The following LIPC variants were observed in gnomAD, a reference collection of about 807,000 sequenced individuals.
The protein encoded by LIPC is lipase C, hepatic type.
Under a neutral mutation model 50.7 loss-of-function variants are expected in LIPC, and 44 were observed. The observed-to-expected ratio is 0.87, with a 90% confidence interval of 0.68 to 1.11. LIPC has a LOEUF of 1.11. Among genes scored for constraint, LIPC ranks in the 50% most tolerant of loss-of-function variants. LIPC has a pLI of 0.00. For missense variants in LIPC, 697 were observed against 648.2 expected (o/e 1.08, Z -0.82); for synonymous variants, 271 against 256.4 (o/e 1.06, Z -0.54).
chr15:58,484,313 A>G (rs1173934685), intron 1 of LIPC, among the ~76,000 whole-genome samples: 1 of 152,250 alleles, frequency 6.6e-6, no homozygotes, highest in African/African-American at 2.4e-5. Context: ...CAGCATATAG[A>G]AAAATGCCTT....
In LIPC at chr15:58,568,723, T is replaced by C; in HGVS notation, c.1396T>C (p.Phe466Leu). 1 of 1,591,900 alleles carries C rather than the reference T, an allele frequency of 6.3e-7. No individual in the cohort carries two copies. Among genetic ancestry groups the C allele is most frequent in the East Asian group, 2.2e-5 (1 of 44,638 alleles). ...KAGETQQRMT[F>L]CSENTDDLLL... ...TTCCTGTTTTCTATTCAGAATGACA[T>C]TTTGTTCAGAAAACACAGATGACCT... The change falls in exon 9 of 9, where the codon TTT becomes CTT. Residue 466 changes from phenylalanine to leucine, a missense_variant. Coordinates refer to ENST00000299022, the MANE Select transcript of LIPC (RefSeq NM_000236.3).
At chr15:58,498,218 C>T (rs374305094) in intron 1 of LIPC, among the ~76,000 whole-genome samples, 13 of 152,314 alleles carry the variant, frequency 8.5e-5, no homozygotes, top group African/African-American at 3.1e-4. Flanking sequence ...TCTCCCCTAT[C>T]TCAAATCCAG....
At chr15:58,474,340 GA>G (rs1890909096) in intron 1 of LIPC, among the ~76,000 whole-genome samples, 1 of 152,034 alleles carries the variant, frequency 6.6e-6, no homozygotes, top group Non-Finnish European at 1.5e-5. Context: ...AATATAAAGA[GA>G]CCCCATCTCC....
chr15:58,469,507 A>G (rs1894705515), intron 1 of LIPC, among the ~76,000 whole-genome samples: 1 of 152,156 alleles, frequency 6.6e-6, no homozygotes, highest in South Asian at 2.1e-4. Context: ...ACCCCCTTTC[A>G]ATTAAAGATC....
intron 1 of LIPC, among the ~76,000 whole-genome samples, chr15:58,459,807 G>A (rs947941353): frequency 6.6e-6 from 1 of 152,248 alleles, no homozygotes; most frequent in Non-Finnish European, 1.5e-5. Flanking sequence ...TTGGGGGAAG[G>A]ACAGAGGTAT....
chr15:58,480,336 C>T (rs1294134125), intron 1 of LIPC, among the ~76,000 whole-genome samples: 8 of 152,054 alleles, frequency 5.3e-5, no homozygotes, highest in African/African-American at 1.9e-4. Flanking sequence ...GCTTTGTCAC[C>T]CAAGCTGGAG....
chr15:58,565,079 GC>G, intron 8 of LIPC: 1 of 933,896 alleles, frequency 1.1e-6, no homozygotes, highest in Non-Finnish European at 1.6e-6. Flanking sequence ...GCAGATGTAT[GC>G]CCCTGAGTCC....
At chr15:58,567,060 G>C (rs886717576) in intron 8 of LIPC, among the ~76,000 whole-genome samples, 3 of 151,530 alleles carry the variant, frequency 2.0e-5, no homozygotes, top group Non-Finnish European at 4.4e-5. Flanking sequence ...AAATTAGCCG[G>C]GCGTGGTGGC....
Position 58,541,865 on chromosome 15 carries a change from G to A in LIPC, c.354G>A (p.Gly118=), listed in dbSNP as rs1406667408. ...AGCCGGCCCAGCCAGTGAACGTGGG[G>A]CTGGTGGACTGGATCACCCTGGCCC... ...KSQPAQPVNV[G]LVDWITLAHD... The change falls in exon 3 of 9, where the codon GGG becomes GGA. Residue 118 remains glycine (G), a synonymous_variant. Coordinates refer to ENST00000299022, the MANE Select transcript of LIPC (RefSeq NM_000236.3). The A allele has an allele frequency of 4.3e-6, 7 of 1,612,784 alleles. No individual in the cohort carries two copies. In the African/African-American group the frequency reaches 9.3e-5, roughly 22 times the overall value.
intron 1 of LIPC, chr15:58,498,008 C>A (rs1212789979): frequency 6.6e-6 from 1 of 152,126 alleles, no homozygotes; most frequent in African/African-American, 2.4e-5. Context: ...CTCTTTCCGG[C>A]CAAAATATGA....
At chr15:58,501,741 A>AT (rs34069419) in intron 1 of LIPC, among the ~76,000 whole-genome samples, 17,802 of 151,846 alleles carry the variant, frequency 0.12, 1,155 homozygotes, top group Middle Eastern at 0.19. Context: ...CCCTACCAAG[A>AT]TTTTTTTTAG....
intron 2 of LIPC, 76 bp from the exon 3 acceptor site, chr15:58,541,709 C>T (rs2140912013): frequency 1.4e-6 from 2 of 1,422,636 alleles, no homozygotes; most frequent in Non-Finnish European, 9.8e-7. Flanking sequence ...CCAGCATTAT[C>T]CAGGAGCTGG....
intron 1 of LIPC, among the ~76,000 whole-genome samples, chr15:58,515,556 C>G (rs1388075240): frequency 1.6e-5 from 2 of 124,890 alleles, no homozygotes; most frequent in African/African-American, 6.1e-5. Context: ...ATATATATCT[C>G]AAAATATCAC....
chr15:58,535,979 G>T (rs982138592), intron 1 of LIPC, among the ~76,000 whole-genome samples: 1 of 152,156 alleles, frequency 6.6e-6, no homozygotes, highest in Admixed American at 6.5e-5. Context: ...ACACCTCACC[G>T]CTCACTAACA....
chr15:58,568,196 T>A (rs1460537883), intron 8 of LIPC, among the ~76,000 whole-genome samples: 3 of 152,106 alleles, frequency 2.0e-5, no homozygotes, highest in African/African-American at 7.2e-5. Context: ...CAATGTCAGC[T>A]CCAATATGAG....
chr15:58,477,545 A>G (rs2140762791), intron 1 of LIPC, among the ~76,000 whole-genome samples: 1 of 152,320 alleles, frequency 6.6e-6, no homozygotes, highest in African/African-American at 2.4e-5. Context: ...TTTAAAGGGT[A>G]CAAAACAACA....
intron 1 of LIPC, among the ~76,000 whole-genome samples, chr15:58,511,877 T>C (rs1330371570): frequency 6.6e-6 from 1 of 152,192 alleles, no homozygotes; most frequent in Non-Finnish European, 1.5e-5. Flanking sequence ...CAATTATTGA[T>C]GTCGTGGGGG....
chr15:58,492,561 A>G (rs1174282093), intron 1 of LIPC, among the ~76,000 whole-genome samples: 1 of 152,166 alleles, frequency 6.6e-6, no homozygotes, highest in African/African-American at 2.4e-5. Flanking sequence ...CCAAGGCCAC[A>G]CAGTCCACAA....
chr15:58,511,294 G>T (rs1448977792), intron 1 of LIPC, among the ~76,000 whole-genome samples: 1 of 152,162 alleles, frequency 6.6e-6, no homozygotes, highest in African/African-American at 2.4e-5. Flanking sequence ...CTGTCTCGGG[G>T]ATCTGCCTGG....
Sources: gnomAD v4.1 joint callset for allele counts (sites outside exome capture counted in the v4.1 genomes callset) on GRCh38, gnomAD v4.1.1 for gene constraint, MANE v1.5 for transcripts, NCBI Gene and HGNC (gene_info 2026-07-23, HGNC 2026-07-21) for gene names.